Variants in MORN4 observed in about 807,000 individuals in gnomAD.
MORN4 encodes MORN repeat-containing protein 4.
MORN4 carries 8 observed loss-of-function variants against 16.4 expected under a neutral mutation model. The observed-to-expected ratio is 0.49, with a 90% CI of 0.29 to 0.88. The LOEUF is 0.88. MORN4 is among the 40% of genes least tolerant of loss of function. The pLI is 0.09. For missense variants in MORN4, 159 were observed against 182.9 expected (o/e 0.87, Z 0.75); for synonymous variants, 53 against 68.9 (o/e 0.77, Z 1.14).
At chr10:97,622,693 CAA>C (rs1322656539) in intron 1 of MORN4, among the ~76,000 whole-genome samples, 6 of 55,864 alleles carry the variant, frequency 1.1e-4, no homozygotes, top group Admixed American at 2.0e-4. Flanking sequence ...GACCCTGTCT[CAA>C]AAAAAAAAAA....
intron 1 of MORN4, among the ~76,000 whole-genome samples, chr10:97,631,632 C>T (rs74496179): frequency 1.3e-5 from 2 of 149,930 alleles, no homozygotes; most frequent in African/African-American, 4.9e-5. Flanking sequence ...AAAAAAAAAA[C>T]TGACATAAAG....
rs2041229903 is a variant in MORN4 at position 97,615,619 on chromosome 10, G to C, written c.*644C>G. ...GCGCTCCTGTAGTCCCAGCTACTCA[G>C]GAAGCTGAGGCAGGGGAATTGCTTG... is the stretch of plus-strand genomic sequence containing the variant. On this transcript the variant is annotated 3_prime_UTR_variant, in exon 5 of 5. Transcript: ENST00000307450. 6.6e-6 allele frequency: 1 copy of C among 152,086 alleles called. No homozygotes were observed. The highest frequency in any genetic ancestry group is 2.1e-4 in the South Asian group (1 of 4,828). The allele number at this position is 152,086 out of a possible 1,614,324, so 9.4% of individuals were successfully genotyped here.
chr10:97,624,711 T>G (rs1265406646), intron 1 of MORN4, among the ~76,000 whole-genome samples: 1 of 152,086 alleles, frequency 6.6e-6, no homozygotes, highest in Non-Finnish European at 1.5e-5. Flanking sequence ...AGCATCAGTG[T>G]TTTTTGTTTT....
At chr10:97,628,745 T>C (rs1254710766) in intron 1 of MORN4, among the ~76,000 whole-genome samples, 2 of 152,176 alleles carry the variant, frequency 1.3e-5, no homozygotes, top group Non-Finnish European at 1.5e-5. Flanking sequence ...TTGGCCAGGC[T>C]GGTCTCAAAC....
chr10:97,621,789 C>T (rs955046298), intron 1 of MORN4, among the ~76,000 whole-genome samples: 2 of 151,976 alleles, frequency 1.3e-5, no homozygotes, highest in East Asian at 1.9e-4. Context: ...TGCTTGAACT[C>T]GGGAGGCAGA....
At chr10:97,632,983 A>C (rs1223698404) in intron 1 of MORN4, among the ~76,000 whole-genome samples, 2 of 152,020 alleles carry the variant, frequency 1.3e-5, no homozygotes, top group Non-Finnish European at 2.9e-5. Flanking sequence ...AAAGCCCTAG[A>C]CCACAACAAG....
chr10:97,620,897 C>T (rs7899047), intron 1 of MORN4, among the ~76,000 whole-genome samples: 2,048 of 152,022 alleles, frequency 0.013, 41 homozygotes, highest in African/African-American at 0.047. Context: ...CCGAGGTGGG[C>T]GGATCACGAG....
intron 1 of MORN4, among the ~76,000 whole-genome samples, chr10:97,625,004 G>A (rs1352264300): frequency 6.6e-6 from 1 of 152,146 alleles, no homozygotes; most frequent in African/African-American, 2.4e-5. Context: ...GAGCATCAGT[G>A]TTTTTAAAAT....
At position 97,616,285 on chromosome 10, in the gene MORN4, G is replaced by A. The variant is rs1322149739; in HGVS notation, c.419C>T (p.Ser140Leu). ...CTGTCAGGCAGTGAGATTTCTGGCT[G>A]ACTTGGAGGCGCTCTGGGCCCGCTG... Reference protein sequence around the residue: ...IVQRAQSASKSARNLTA With the variant: ...IVQRAQSASKLARNLTA The change falls in exon 5 of 5, where the codon TCA becomes TTA. Residue 140 changes from serine to leucine, a missense_variant. By Grantham distance (145) the Ser-to-Leu change is moderately radical (BLOSUM62 -2). Coordinates refer to ENST00000307450, the MANE Select transcript of MORN4 (RefSeq NM_178832.4). 1 of 1,606,404 alleles carries A rather than the reference G, an allele frequency of 6.2e-7. No individual in the cohort carries two copies. The highest frequency in any genetic ancestry group is 8.5e-7 in the Non-Finnish European group (1 of 1,176,240).
rs1564764408 is a variant in MORN4, at chr10:97,616,369, T to C, written c.335A>G (p.Asn112Ser). 6.2e-7 allele frequency: 1 copy of C among 1,611,990 alleles called. No individual in the cohort carries two copies. The highest frequency in any genetic ancestry group is 8.5e-7 in the Non-Finnish European group (1 of 1,179,046). ...FPDGSHGIPR[N>S]EGLFENNKLL... Reference sequence around the variant, plus strand: ...CTTGTTGTTCTCAAAGAGACCTTCATTGCGGGGGATTCCATGAGAACCATC... The same window carrying C: ...CTTGTTGTTCTCAAAGAGACCTTCACTGCGGGGGATTCCATGAGAACCATC... The change falls in exon 5 of 5, where the codon AAT (asparagine) becomes AGT (serine). Residue 112 changes from asparagine (N) to serine (S), a missense_variant. Transcript: ENST00000307450.
At chr10:97,627,254 G>A (rs1268340748) in intron 1 of MORN4, among the ~76,000 whole-genome samples, 1 of 151,010 alleles carries the variant, frequency 6.6e-6, no homozygotes, top group Admixed American at 6.6e-5. Context: ...AGCAATTCTC[G>A]TGCTTCAGCC....
chr10:97,625,821 G>A (rs573504621), intron 1 of MORN4, among the ~76,000 whole-genome samples: 1 of 152,258 alleles, frequency 6.6e-6, no homozygotes, highest in East Asian at 1.9e-4. Flanking sequence ...ATGCTGGTGT[G>A]CAATCGCTTG....
chr10:97,633,553 C>T, upstream of MORN4: 1 of 1,289,910 alleles, frequency 7.8e-7, no homozygotes, highest in Non-Finnish European at 1.0e-6. This position sits in a 1 kb window ranked among gnomAD's most constrained non-coding sequence, Gnocchi z 4.5. Flanking sequence ...GGGAGCAACG[C>T]CACTCCGCAT....
Position 97,629,475 on chromosome 10 carries a change from C to T in MORN4, c.-31+3872G>A, listed in dbSNP as rs1170021002. On this transcript the variant is annotated intron_variant, in intron 1 of 4. Coordinates refer to ENST00000307450, the MANE Select transcript of MORN4 (RefSeq NM_178832.4). ...ACTGATACACTCACACTTGGAGACC[C>T]GAGCCACCACATAAAAAGCCTGACT... is the stretch of plus-strand genomic sequence containing the variant. Among the ~76,000 whole-genome samples, 3 of 152,102 alleles carry T rather than the reference C, an allele frequency of 2.0e-5. No homozygotes were observed. The East Asian group carries it at 5.8e-4, about 29-fold the overall frequency.
In MORN4 at chr10:97,616,755, T is replaced by C. The variant is rs1204508043; in HGVS notation, c.215A>G (p.Asn72Ser). 2.5e-6 allele frequency: 4 copies of C among 1,613,984 alleles called. No homozygotes were observed. In the Admixed American group the frequency reaches 5.0e-5, roughly 20 times the overall value. The change falls in exon 4 of 5, where the codon AAT becomes AGT. Residue 72 changes from asparagine (N) to serine (S), a missense_variant. Transcript: ENST00000307450. ...YEGEFAQGKF[N>S]GVGVFIRYDN... is the part of the protein sequence containing the mutation. Reference sequence around the variant, plus strand: ...ATATCGAATGAAGACTCCGACGCCATTAAACTTGCCCTGGGCAAACTCCCC... The same window carrying C: ...ATATCGAATGAAGACTCCGACGCCACTAAACTTGCCCTGGGCAAACTCCCC...
intron 4 of MORN4, 76 bp downstream of exon 4, chr10:97,616,602 G>T: frequency 1.5e-6 from 2 of 1,344,816 alleles, no homozygotes; most frequent in South Asian, 1.2e-5. Flanking sequence ...ACACCCGCAG[G>T]ATTAAAACTA....
chr10:97,630,169 C>T (rs1017689507), intron 1 of MORN4, among the ~76,000 whole-genome samples: 2 of 152,098 alleles, frequency 1.3e-5, no homozygotes, highest in South Asian at 2.1e-4. Context: ...CCTTGTGATC[C>T]GCCTGCCTCA....
intron 1 of MORN4, among the ~76,000 whole-genome samples, chr10:97,621,276 A>G (rs1190103324): frequency 3.3e-5 from 5 of 152,198 alleles, no homozygotes; most frequent in Admixed American, 2.6e-4. Context: ...TTTCCTGTAC[A>G]GCACAGCCTC....
chr10:97,632,840 T>C (rs2041408674), intron 1 of MORN4, among the ~76,000 whole-genome samples: 1 of 152,112 alleles, frequency 6.6e-6, no homozygotes, highest in African/African-American at 2.4e-5. Flanking sequence ...TTATTCCTGC[T>C]GGTACCTAAG....
Sources: allele counts gnomAD v4.1 joint callset (sites outside exome capture counted in the v4.1 genomes callset), GRCh38; gene constraint gnomAD v4.1.1; non-coding constraint Gnocchi (gnomAD v3.1); transcripts MANE v1.5; gene names NCBI Gene and HGNC (gene_info 2026-07-23, HGNC 2026-07-21).